SLC7A2: variants seen among roughly 807,000 people sequenced by gnomAD.
The protein encoded by SLC7A2 is solute carrier family 7 member 2, also known as cationic amino acid transporter 2.
Under a neutral mutation model 58.9 loss-of-function variants are expected in SLC7A2, and 48 were observed. The observed-to-expected ratio is 0.82, with a 90% CI of 0.65 to 1.04. The LOEUF (loss-of-function observed/expected upper bound fraction) is 1.04, where lower values mean the gene tolerates loss of function less well. SLC7A2 is among the 50% of genes least tolerant of loss of function. The pLI is 0.00. For missense variants in SLC7A2, 1,029 were observed against 818.8 expected, an observed-to-expected ratio of 1.26 and a Z score of -3.13; for synonymous variants, 363 against 314.5, an observed-to-expected ratio of 1.15 and a Z score of -1.63.
At chr8:17,536,488 C>T (rs777654524) in intron 2 of SLC7A2, among the ~76,000 whole-genome samples, 57 of 152,158 alleles carry the variant, frequency 3.7e-4, no homozygotes, top group Non-Finnish European at 5.3e-4. Flanking sequence ...CACTTGAACC[C>T]GAGAGGCGGA....
intron 2 of SLC7A2, among the ~76,000 whole-genome samples, chr8:17,531,109 A>T (rs2150711739): frequency 6.6e-6 from 1 of 152,240 alleles, no homozygotes; most frequent in African/African-American, 2.4e-5. Flanking sequence ...GTTTCCTGGA[A>T]ATGGTGTAAT....
At chr8:17,524,803 T>C (rs1183309968) in intron 2 of SLC7A2, among the ~76,000 whole-genome samples, 1 of 152,200 alleles carries the variant, frequency 6.6e-6, no homozygotes, top group Non-Finnish European at 1.5e-5. Context: ...TCCTGATTTT[T>C]TTTTTTTAGC....
chr8:17,562,869 G>A (rs1803085070), intron 11 of SLC7A2, among the ~76,000 whole-genome samples: 2 of 152,146 alleles, frequency 1.3e-5, no homozygotes, highest in Non-Finnish European at 1.5e-5. Context: ...GGCTGGGTGT[G>A]GTGCCTCACA....
chr8:17,520,308 A>G (rs558202375), intron 2 of SLC7A2, among the ~76,000 whole-genome samples: 17 of 152,220 alleles, frequency 1.1e-4, no homozygotes, highest in African/African-American at 3.4e-4. Context: ...GTATGTGTAT[A>G]TATACATAAA....
intron 7 of SLC7A2, 97 bp downstream of exon 7, chr8:17,552,083 T>A: frequency 1.2e-6 from 1 of 822,352 alleles, no homozygotes; most frequent in Non-Finnish European, 2.0e-6. Context: ...AGTATCCTAA[T>A]AGAAACAAAA....
At chr8:17,536,379 A>G (rs929975867) in intron 2 of SLC7A2, among the ~76,000 whole-genome samples, 9 of 152,178 alleles carry the variant, frequency 5.9e-5, no homozygotes, top group Non-Finnish European at 1.2e-4. Flanking sequence ...AGCCTGGCCA[A>G]CATGGGGAAA....
intron 5 of SLC7A2, among the ~76,000 whole-genome samples, chr8:17,549,180 T>A (rs1563471367): frequency 6.6e-6 from 1 of 152,020 alleles, no homozygotes; most frequent in Non-Finnish European, 1.5e-5. Context: ...CACCTCCCAC[T>A]GGGTCCCTGC....
chr8:17,506,638 C>A (rs965873763), intron 2 of SLC7A2, among the ~76,000 whole-genome samples: 1 of 152,192 alleles, frequency 6.6e-6, no homozygotes, highest in African/African-American at 2.4e-5. Context: ...AGGTGTAACT[C>A]ATCTGAGGTT....
chr8:17,502,535 T>C (rs1158180884), intron 2 of SLC7A2, among the ~76,000 whole-genome samples: 2 of 152,186 alleles, frequency 1.3e-5, no homozygotes, highest in Admixed American at 1.3e-4. Flanking sequence ...GCTCTTCCAT[T>C]GCACAAGGAA....
chr8:17,497,713 G>C (rs1800009137), intron 1 of SLC7A2, among the ~76,000 whole-genome samples: 1 of 152,230 alleles, frequency 6.6e-6, no homozygotes, highest in South Asian at 2.1e-4. Flanking sequence ...TTCGGTTCTT[G>C]GCTTAAATTA....
At chr8:17,562,673 A>G (rs1803075924) in intron 11 of SLC7A2, among the ~76,000 whole-genome samples, 1 of 152,182 alleles carries the variant, frequency 6.6e-6, no homozygotes, top group Non-Finnish European at 1.5e-5. Context: ...TTCCTTCTAC[A>G]TTGGTCCTCT....
At chr8:17,520,737 A>C in intron 2 of SLC7A2, 1 of 939,370 alleles carries the variant, frequency 1.1e-6, no homozygotes, top group Non-Finnish European at 1.3e-6. Flanking sequence ...ATGGGAGATG[A>C]GAAGGACCTT....
chr8:17,524,797 GATTT>G (rs1801158872), intron 2 of SLC7A2, among the ~76,000 whole-genome samples: 1 of 151,468 alleles, frequency 6.6e-6, no homozygotes, highest in Non-Finnish European at 1.5e-5. Context: ...ATCTAATCCT[GATTT>G]TTTTTTTTTA....
At chr8:17,540,862 TG>T (rs1202327212) in intron 2 of SLC7A2, among the ~76,000 whole-genome samples, 1 of 152,192 alleles carries the variant, frequency 6.6e-6, no homozygotes, top group Admixed American at 6.5e-5. Flanking sequence ...ATCTGTCCTT[TG>T]TTTTCCTTGC....
In SLC7A2 at chr8:17,511,983, C is replaced by G. The variant is rs7818961; in HGVS notation, c.-23+9681C>G. Among the ~76,000 whole-genome samples the G allele has an allele frequency of 4.5e-3, 680 of 152,244 alleles. 6 individuals carry two copies. Among genetic ancestry groups the G allele is most frequent in the African/African-American group, 0.016 (644 of 41,528 alleles). ...ATCTCATTTGGAAATCTTTGGCGTA[C>G]TTGGCTGAAGATAAATTCTAAAGTT... On this transcript the variant is annotated intron_variant, in intron 2 of 12. Coordinates refer to ENST00000494857, the MANE Select transcript of SLC7A2 (RefSeq NM_001370338.1).
At chr8:17,545,588 G>A (rs1010365643) in intron 4 of SLC7A2, among the ~76,000 whole-genome samples, 1 of 151,626 alleles carries the variant, frequency 6.6e-6, no homozygotes, top group Non-Finnish European at 1.5e-5. Flanking sequence ...AGTAGAGACG[G>A]GGTTTCACTA....
At chr8:17,557,552 C>T (rs1585264057) in intron 8 of SLC7A2, among the ~76,000 whole-genome samples, 2 of 152,046 alleles carry the variant, frequency 1.3e-5, no homozygotes, top group East Asian at 3.9e-4. Context: ...TGAGTCAGGC[C>T]GGGCACTGTG....
upstream of SLC7A2, among the ~76,000 whole-genome samples, chr8:17,496,298 G>C (rs1799956502): frequency 6.6e-6 from 1 of 152,088 alleles, no homozygotes; most frequent in African/African-American, 2.4e-5. Context: ...CTCCAGCCTG[G>C]GCGACAGAGT....
intron 2 of SLC7A2, among the ~76,000 whole-genome samples, chr8:17,505,376 G>A (rs1317450731): frequency 1.3e-5 from 2 of 152,180 alleles, no homozygotes; most frequent in Non-Finnish European, 2.9e-5. Context: ...GACCGCTTAT[G>A]GCCTCCAAGT....
Sources: allele counts gnomAD v4.1 joint callset (sites outside exome capture counted in the v4.1 genomes callset), GRCh38; gene constraint gnomAD v4.1.1; transcripts MANE v1.5; gene names NCBI Gene and HGNC (gene_info 2026-07-23, HGNC 2026-07-21).